Variants in DNAH11 observed in about 807,000 individuals in gnomAD.
The protein encoded by DNAH11 is dynein axonemal heavy chain 11, also known as axonemal beta dynein heavy chain 11.
In DNAH11, 442 loss-of-function variants were observed where a neutral mutation model predicts 526.0. The observed-to-expected ratio is 0.84, with a 90% CI of 0.78 to 0.91. DNAH11 has a LOEUF of 0.91. Among genes scored for constraint, DNAH11 ranks in the 40% least tolerant of loss-of-function variants. The pLI is 0.00. For missense variants in DNAH11, 6,989 were observed against 5,448.7 expected, an observed-to-expected ratio of 1.28 and a Z score of -8.90; for synonymous variants, 2,461 against 1,935.9, an observed-to-expected ratio of 1.27 and a Z score of -7.12.
In DNAH11 at chr7:21,898,723, G is replaced by A. The variant is rs531819640; in HGVS notation, c.13050-613G>A. On this transcript the variant is annotated intron_variant, in intron 79 of 81. Coordinates refer to ENST00000409508, the MANE Select transcript of DNAH11 (RefSeq NM_001277115.2). ...ACTTCCTACCTTGCCCAATTGTGAG[G>A]AGCCGAGAAGAGAACATGTACGTAA... 3.5e-4 allele frequency among the ~76,000 whole-genome samples: 53 copies of A among 152,254 alleles called. No homozygotes were observed. The South Asian group carries it at 7.7e-3, about 22-fold the overall frequency.
At position 21,616,237 on chromosome 7, in the gene DNAH11, A is replaced by G. The variant is rs1785777497; in HGVS notation, c.4040A>G (p.Gln1347Arg). 3 of 1,613,710 alleles carry G rather than the reference A, an allele frequency of 1.9e-6. No individual in the cohort carries two copies. Among genetic ancestry groups the G allele is most frequent in the East Asian group, 4.5e-5 (2 of 44,870 alleles). Residue 1347 changes from glutamine to arginine, a missense_variant, in exon 22 of 82, where the codon CAG becomes CGG. By Grantham distance (43) the Gln-to-Arg change is conservative (BLOSUM62 1). Transcript: ENST00000409508. ...AGCATTGATAATTGGACTAAAACCC[A>G]GTGGAGACAGATTCATGTGGAACAG... ...RRSIDNWTKT[Q>R]WRQIHVEQMD...
In DNAH11 at chr7:21,898,690, C is replaced by G. The variant is rs138594561; in HGVS notation, c.13050-646C>G. ...GTGAGCCAGCTTCCTTATAGGTCAA[C>G]TGCAAATACTTCCTACCTTGCCCAA... On this transcript the variant is annotated intron_variant, in intron 79 of 81. Transcript: ENST00000409508. 5.4e-3 allele frequency among the ~76,000 whole-genome samples: 829 copies of G among 152,342 alleles called. 5 individuals are homozygous for G. The highest frequency in any genetic ancestry group is 0.019 in the African/African-American group (783 of 41,568).
chr7:21,787,636 C>T (rs575275013), intron 60 of DNAH11, 53 bp downstream of exon 60: 1 of 1,455,236 alleles, frequency 6.9e-7, no homozygotes, highest in Non-Finnish European at 9.2e-7. Flanking sequence ...GGGCTGCAAA[C>T]ACATCAATTT....
intron 41 of DNAH11, among the ~76,000 whole-genome samples, chr7:21,711,165 G>T (rs1211058731): frequency 6.6e-6 from 1 of 152,172 alleles, no homozygotes; most frequent in South Asian, 2.1e-4. Flanking sequence ...AAAAACAAAA[G>T]GTGACGGTAC....
At chr7:21,642,416 A>C (rs891855772) in intron 28 of DNAH11, among the ~76,000 whole-genome samples, 34 of 152,144 alleles carry the variant, frequency 2.2e-4, no homozygotes, top group African/African-American at 6.5e-4. Context: ...ATTCTTGCTC[A>C]CTAACTATGG....
intron 14 of DNAH11, 36 bp from the exon 15 acceptor site, chr7:21,599,750 TG>T (rs765055614): frequency 2.9e-6 from 4 of 1,387,222 alleles, no homozygotes; most frequent in Non-Finnish European, 3.8e-6. Flanking sequence ...GCTAATTATT[TG>T]TTTATATTCA....
chr7:21,769,798 C>T, intron 55 of DNAH11, among the ~76,000 whole-genome samples: 1 of 151,972 alleles, frequency 6.6e-6, no homozygotes, highest in Non-Finnish European at 1.5e-5. Flanking sequence ...TTTCATTTTT[C>T]CTCCACTCCT....
intron 53 of DNAH11, 29 bp from the exon 54 acceptor site, chr7:21,750,193 T>C (rs1035756223): frequency 1.3e-6 from 2 of 1,551,722 alleles, no homozygotes; most frequent in Middle Eastern, 1.7e-4. Context: ...CAATGATCTT[T>C]TAGTAATTCT....
At chr7:21,808,425 T>C (rs776954893) in intron 63 of DNAH11, among the ~76,000 whole-genome samples, 6 of 152,304 alleles carry the variant, frequency 3.9e-5, no homozygotes, top group Middle Eastern at 3.4e-3. Context: ...GTTTGAAATA[T>C]ACAATAAATT....
In DNAH11 at chr7:21,601,710, T is replaced by C. The variant is rs1785099880; in HGVS notation, c.3648+92T>C. ...CATGTACTCTCTTATGATGTCCTTATAACAATCTATACTGTACACATTTGA... is the reference window on the plus strand; with the variant it reads ...CATGTACTCTCTTATGATGTCCTTACAACAATCTATACTGTACACATTTGA... On this transcript the variant is annotated intron_variant, in intron 18 of 81. Transcript: ENST00000409508. The C allele has an allele frequency of 4.2e-6, 4 of 955,768 alleles. No homozygotes were observed. The South Asian group carries it at 8.5e-5, about 20-fold the overall frequency. The allele number at this position is 955,768 out of a possible 1,614,324, so 59.2% of individuals were successfully genotyped here. A position where few individuals can be genotyped will look rare whatever the true frequency, so the allele number is the denominator to read the frequency against.
At chr7:21,831,128 C>T (rs1022788787) in intron 65 of DNAH11, among the ~76,000 whole-genome samples, 2 of 152,100 alleles carry the variant, frequency 1.3e-5, no homozygotes, top group African/African-American at 4.8e-5. Flanking sequence ...TTAAGGTTAA[C>T]CTCTGTTTTA....
Position 21,725,879 on chromosome 7 carries a change from G to T in DNAH11, c.7335G>T (p.Ser2445=), listed in dbSNP as rs11768670. Residue 2445 remains serine, a synonymous_variant, in exon 45 of 82, where the codon TCG becomes TCT. Transcript: ENST00000409508. ...QKEMKAVKFP[S]QGTIFDYYVD... ...AGATGAAAGCAGTGAAATTTCCGTC[G>T]CAGGGAACAATCTTTGATTATTATG... 17 of 1,607,718 alleles carry T rather than the reference G, an allele frequency of 1.1e-5. No individual in the cohort carries two copies. In the East Asian group the frequency reaches 1.1e-4, roughly 11 times the overall value.
intron 52 of DNAH11, among the ~76,000 whole-genome samples, chr7:21,749,211 A>G (rs1292348603): frequency 6.6e-6 from 1 of 152,242 alleles, no homozygotes; most frequent in African/African-American, 2.4e-5. Flanking sequence ...TTGCTTTTTA[A>G]TAACAATAGT....
chr7:21,665,044 T>C (rs928021993), intron 30 of DNAH11, among the ~76,000 whole-genome samples: 1 of 152,078 alleles, frequency 6.6e-6, no homozygotes, highest in Non-Finnish European at 1.5e-5. Context: ...AGGCTCATTC[T>C]TGTTGTCAGG....
intron 30 of DNAH11, among the ~76,000 whole-genome samples, chr7:21,676,512 A>G (rs1425907413): frequency 6.6e-6 from 1 of 152,212 alleles, no homozygotes; most frequent in East Asian, 1.9e-4. Flanking sequence ...ATTACTTACA[A>G]AAGAGTATCA....
At chr7:21,727,152 CTCGATCT>C (rs1489293940) in intron 45 of DNAH11, among the ~76,000 whole-genome samples, 1 of 151,704 alleles carries the variant, frequency 6.6e-6, no homozygotes, top group Non-Finnish European at 1.5e-5. Context: ...CCAGGATGAT[CTCGATCT>C]CCTGACCTCG....
At chr7:21,726,859 TCAAA>T (rs1208254553) in intron 45 of DNAH11, among the ~76,000 whole-genome samples, 3 of 3,138 alleles carry the variant, frequency 9.6e-4, no homozygotes, top group African/African-American at 7.9e-3. Flanking sequence ...AGACTCTGTC[TCAAA>T]AAAAAAAAAA....
intron 30 of DNAH11, among the ~76,000 whole-genome samples, chr7:21,665,158 A>G (rs1331054646): frequency 2.6e-5 from 4 of 151,182 alleles, no homozygotes; most frequent in South Asian, 2.1e-4. Context: ...TCACTCCGCT[A>G]TTGACCTCTC....
In DNAH11 at chr7:21,636,060, G is replaced by A; in HGVS notation, c.4690G>A (p.Ala1564Thr). 2 of 1,613,236 alleles carry A rather than the reference G, an allele frequency of 1.2e-6. No homozygotes were observed. The highest frequency in any genetic ancestry group is 1.7e-6 in the Non-Finnish European group (2 of 1,179,472). The part of the protein sequence containing the change: ...EDIRIQLVKD[A>T]RRFDGVDAEF... Reference sequence around the variant, plus strand: ...TATTCGAATCCAGCTTGTGAAAGATGCTAGAAGATTTGATGGGGTGGATGC... The same window carrying A: ...TATTCGAATCCAGCTTGTGAAAGATACTAGAAGATTTGATGGGGTGGATGC... Residue 1564 changes from alanine to threonine, a missense_variant, in exon 26 of 82, where the codon GCT becomes ACT. By Grantham distance (58) the Ala-to-Thr change is moderately conservative (BLOSUM62 0). Transcript: ENST00000409508.
Sources: allele counts gnomAD v4.1 joint callset (sites outside exome capture counted in the v4.1 genomes callset), GRCh38; gene constraint gnomAD v4.1.1; transcripts MANE v1.5; gene names NCBI Gene and HGNC (gene_info 2026-07-23, HGNC 2026-07-21).